PCDH15: variants seen among roughly 807,000 people sequenced by gnomAD.
The protein encoded by PCDH15 is protocadherin related 15.
Under a neutral mutation model 178.5 loss-of-function variants are expected in PCDH15, and 129 were observed. The ratio of observed to expected loss-of-function variants is 0.72; its 90% confidence interval spans 0.63 to 0.84. The LOEUF (loss-of-function observed/expected upper bound fraction) is 0.84, where lower values mean the gene tolerates loss of function less well. PCDH15 is among the 40% of genes least tolerant of loss of function. The probability of loss-of-function intolerance (pLI) is 0.00; values close to 1 mark genes in which losing one functional copy is unlikely to be tolerated. For synonymous variants in PCDH15, 800 were observed against 732.0 expected, an observed-to-expected ratio of 1.09 and a Z score of -1.50; for missense variants, 2,230 against 2,099.9, an observed-to-expected ratio of 1.06 and a Z score of -1.21.
intron 3 of PCDH15, among the ~76,000 whole-genome samples, chr10:54,470,291 G>A (rs547815840): frequency 1.2e-4 from 19 of 152,232 alleles, no homozygotes; most frequent in Admixed American, 8.5e-4. Context: ...GCCTTTCTTC[G>A]GGGTGCTTTT....
At chr10:53,881,820 T>C (rs1221125252) in intron 26 of PCDH15, among the ~76,000 whole-genome samples, 1 of 152,128 alleles carries the variant, frequency 6.6e-6, no homozygotes, top group Non-Finnish European at 1.5e-5. Flanking sequence ...ATGACACAGA[T>C]CTGATCAGGA....
At chr10:54,170,967 A>G (rs2046839482) in intron 13 of PCDH15, among the ~76,000 whole-genome samples, 1 of 152,088 alleles carries the variant, frequency 6.6e-6, no homozygotes, top group African/African-American at 2.4e-5. Context: ...TGCCCCACCC[A>G]GGACTGGCAA....
At chr10:53,902,265 C>T (rs2082380019) in intron 26 of PCDH15, among the ~76,000 whole-genome samples, 1 of 152,028 alleles carries the variant, frequency 6.6e-6, no homozygotes, top group African/African-American at 2.4e-5. Flanking sequence ...ATTTTGCAAG[C>T]CCAACCCAAT....
At chr10:54,417,297 C>G (rs1473486636) in intron 3 of PCDH15, among the ~76,000 whole-genome samples, 2 of 152,094 alleles carry the variant, frequency 1.3e-5, no homozygotes, top group African/African-American at 2.4e-5. Context: ...TTGCATTTAT[C>G]CAAATTGGAA....
chr10:54,950,818 G>A (rs1258876017), intron 2 of PCDH15, among the ~76,000 whole-genome samples: 1 of 151,790 alleles, frequency 6.6e-6, no homozygotes, highest in African/African-American at 2.4e-5. Flanking sequence ...GATTTTGGGT[G>A]GGGACATAGT....
At chr10:55,230,966 C>A (rs965168564) in intron 1 of PCDH15, among the ~76,000 whole-genome samples, 1 of 151,962 alleles carries the variant, frequency 6.6e-6, no homozygotes, top group African/African-American at 2.4e-5. Flanking sequence ...CTTTTCCTAA[C>A]ACTGGTGGGC....
chr10:53,958,727 T>C (rs2134259843), intron 23 of PCDH15, among the ~76,000 whole-genome samples: 1 of 152,154 alleles, frequency 6.6e-6, no homozygotes, highest in South Asian at 2.1e-4. Context: ...ACGCCTGTAA[T>C]CCCAGCACTT....
chr10:54,623,017 C>T (rs2093436348), intron 2 of PCDH15, among the ~76,000 whole-genome samples: 2 of 151,386 alleles, frequency 1.3e-5, no homozygotes, highest in South Asian at 2.1e-4. Context: ...GATTGAATGC[C>T]TATGTGATTC....
chr10:55,227,954 T>G (rs1243497171), intron 1 of PCDH15, among the ~76,000 whole-genome samples: 1 of 152,098 alleles, frequency 6.6e-6, no homozygotes, highest in Non-Finnish European at 1.5e-5. Flanking sequence ...TCCCCTACCC[T>G]TGACTGTTTG....
chr10:54,533,024 C>T (rs1264753670), intron 2 of PCDH15, among the ~76,000 whole-genome samples: 1 of 152,098 alleles, frequency 6.6e-6, no homozygotes, highest in Non-Finnish European at 1.5e-5. Context: ...TAGCAGGCTC[C>T]CTGATGGGAG....
At chr10:53,857,739 C>A (rs903513809) in intron 27 of PCDH15, among the ~76,000 whole-genome samples, 2 of 151,912 alleles carry the variant, frequency 1.3e-5, no homozygotes, top group African/African-American at 2.4e-5. Context: ...GTCTATTTAA[C>A]CAACTTTAAA....
At chr10:54,773,840 GA>G (rs1413449618) in intron 1 of PCDH15, among the ~76,000 whole-genome samples, 2 of 150,996 alleles carry the variant, frequency 1.3e-5, no homozygotes, top group African/African-American at 2.4e-5. Flanking sequence ...ATAACCTAAA[GA>G]AAAAAAATCT....
At chr10:53,955,057 C>T (rs2087475042) in intron 23 of PCDH15, among the ~76,000 whole-genome samples, 1 of 152,156 alleles carries the variant, frequency 6.6e-6, no homozygotes, top group Admixed American at 6.5e-5. Flanking sequence ...AGTTGCCTAG[C>T]AAGGAACAGC....
At chr10:53,930,382 T>C (rs1184464138) in intron 25 of PCDH15, among the ~76,000 whole-genome samples, 1 of 126,902 alleles carries the variant, frequency 7.9e-6, no homozygotes, top group African/African-American at 3.0e-5. Flanking sequence ...GGCATGAACC[T>C]GGGAGGCGGA....
chr10:55,544,176 T>TATATATA (rs1841829381), intron 2 of PCDH15, among the ~76,000 whole-genome samples: 1 of 90,880 alleles, frequency 1.1e-5, no homozygotes, highest in African/African-American at 3.6e-5. Context: ...ATATATATAT[T>TATATATA]ATACTGACAG....
At chr10:55,437,008 C>A (rs1382748359) in intron 2 of PCDH15, among the ~76,000 whole-genome samples, 1 of 152,142 alleles carries the variant, frequency 6.6e-6, no homozygotes, top group Non-Finnish European at 1.5e-5. Flanking sequence ...TCAGAAGAGT[C>A]ATTTTGTTCC....
At chr10:54,857,139 G>C (rs1198618185) in intron 3 of PCDH15, among the ~76,000 whole-genome samples, 1 of 152,082 alleles carries the variant, frequency 6.6e-6, no homozygotes, top group African/African-American at 2.4e-5. Flanking sequence ...AGTGGACATT[G>C]AATTCACCTC....
At chr10:55,148,288 C>T (rs996839394) in intron 2 of PCDH15, among the ~76,000 whole-genome samples, 1 of 151,820 alleles carries the variant, frequency 6.6e-6, no homozygotes. Flanking sequence ...TTGAGATTTC[C>T]TCAAAATGTA....
chr10:54,447,947 A>G (rs1157733833), intron 3 of PCDH15, among the ~76,000 whole-genome samples: 1 of 90,458 alleles, frequency 1.1e-5, no homozygotes, highest in Non-Finnish European at 2.5e-5. Flanking sequence ...TTGAGAAAGT[A>G]TATTACTCAA....
Sources: allele counts gnomAD v4.1 joint callset (sites outside exome capture counted in the v4.1 genomes callset), GRCh38; gene constraint gnomAD v4.1.1; transcripts MANE v1.5; gene names NCBI Gene and HGNC (gene_info 2026-07-23, HGNC 2026-07-21).